The following BCAS3 variants were observed in gnomAD, a reference collection of about 807,000 sequenced individuals.
BCAS3 encodes the protein BCAS4/BCAS3 fusion.
A neutral mutation model predicts 116.1 loss-of-function variants in BCAS3; 53 were observed. That is an observed-to-expected ratio of 0.46 (90% CI 0.37 to 0.57). BCAS3 has a LOEUF of 0.57. Among genes scored for constraint, BCAS3 ranks in the 20% least tolerant of loss-of-function variants. The pLI is 0.00. For synonymous variants in BCAS3, 391 were observed against 408.2 expected (o/e 0.96, Z 0.51); for missense variants, 917 against 1,165.4 (o/e 0.79, Z 3.10).
At chr17:61,167,682 C>T (rs1427275523) in intron 22 of BCAS3, among the ~76,000 whole-genome samples, 2 of 152,130 alleles carry the variant, frequency 1.3e-5, no homozygotes, top group African/African-American at 2.4e-5. Context: ...GGAAATGACA[C>T]AGAAGAGCTT....
intron 11 of BCAS3, among the ~76,000 whole-genome samples, chr17:60,903,944 T>A (rs2058056260): frequency 6.6e-6 from 1 of 152,180 alleles, no homozygotes; most frequent in African/African-American, 2.4e-5. Context: ...TCACGATAGT[T>A]TAGCTTATGA....
rs553283038 is a variant in BCAS3, at chr17:60,810,383, G to A, written c.476+2307G>A. The A allele has an allele frequency of 1.9e-5, 9 of 464,696 alleles. 1 individual carries two copies. The highest frequency in any genetic ancestry group is 1.6e-4 in the South Asian group (9 of 56,530). 28.8% of individuals were successfully genotyped at this position (464,696 alleles called of 1,614,324 possible). Reference sequence around the variant, plus strand: ...GTGGGGATGGCGGGGGGTCTGGCAGGACTGAGAGGCATCCAGAATGAGAAA... The same window carrying A: ...GTGGGGATGGCGGGGGGTCTGGCAGAACTGAGAGGCATCCAGAATGAGAAA... On this transcript the variant is annotated intron_variant, in intron 7 of 23. Transcript: ENST00000407086.
At chr17:60,978,543 T>C (rs1165808051) in intron 14 of BCAS3, among the ~76,000 whole-genome samples, 2 of 150,542 alleles carry the variant, frequency 1.3e-5, no homozygotes, top group Non-Finnish European at 3.0e-5. Flanking sequence ...TTTGTTGCCA[T>C]TGCTTTTGGT....
chr17:61,367,507 C>G lies in BCAS3; in HGVS notation c.2426-820C>G, dbSNP rs911710803. On this transcript the variant is annotated intron_variant, in intron 22 of 23. Coordinates refer to ENST00000407086, the MANE Select transcript of BCAS3 (RefSeq NM_017679.5). The surrounding 1 kb of genome is among the most constrained non-coding windows in gnomAD (Gnocchi z 6.2). ...CTTTGGCTTAAGGACAGACCCTTGCCGAAGATGCTATCACCCACCTCCTTG... is the reference window on the plus strand; with the variant it reads ...CTTTGGCTTAAGGACAGACCCTTGCGGAAGATGCTATCACCCACCTCCTTG... The G allele has an allele frequency of 6.6e-6, 1 of 152,194 alleles. No individual in the cohort carries two copies. The highest frequency in any genetic ancestry group is 2.4e-5 in the African/African-American group (1 of 41,454). The allele number at this position is 152,194 out of a possible 1,614,324, so 9.4% of individuals were successfully genotyped here.
At chr17:61,009,014 A>G (rs2064921188) in intron 15 of BCAS3, among the ~76,000 whole-genome samples, 3 of 152,052 alleles carry the variant, frequency 2.0e-5, no homozygotes, top group South Asian at 2.1e-4. Context: ...TGGGTGTTGT[A>G]GATAAGTGTA....
intron 5 of BCAS3, among the ~76,000 whole-genome samples, chr17:60,725,556 T>C (rs989789746): frequency 9.2e-5 from 14 of 152,204 alleles, no homozygotes; most frequent in Admixed American, 3.3e-4. Context: ...GTGTCAGTGG[T>C]TCCCGACCAG....
In BCAS3 at chr17:61,198,134, T is replaced by G. The variant is rs1032056009; in HGVS notation, c.2425+113570T>G. On this transcript the variant is annotated intron_variant, in intron 22 of 23. Transcript: ENST00000407086. This position sits in a 1 kb window ranked among gnomAD's most constrained non-coding sequence, Gnocchi z 5.0. ...GATTAAGATAAAGTGCAAGATATGT[T>G]TTTTTTTTTTCTTTTTTTTTTTTTG... Among the ~76,000 whole-genome samples the G allele has an allele frequency of 9.8e-3, 34 of 3,486 alleles. No homozygotes were observed. In the Non-Finnish European group the frequency reaches 0.15, roughly 15 times the overall value. The allele number at this position is 3,486 out of a possible 152,430, so 2.3% of individuals were successfully genotyped here.
rs1331416198 is a variant in BCAS3, at chr17:61,019,577, A to G, written c.1637+3676A>G. On this transcript the variant is annotated intron_variant, in intron 16 of 23. Transcript: ENST00000407086. The surrounding 1 kb of genome is among the most constrained non-coding windows in gnomAD (Gnocchi z 5.6). ...TATTTGATTCGTGAGAACCAAATAT[A>G]TTCTGTGAATTTTCATTTTTGCTAT... Among the ~76,000 whole-genome samples the G allele has an allele frequency of 1.3e-5, 2 of 152,196 alleles. No individual in the cohort carries two copies. The highest frequency in any genetic ancestry group is 2.9e-5 in the Non-Finnish European group (2 of 68,028).
At chr17:60,947,551 G>A (rs2060576551) in intron 14 of BCAS3, among the ~76,000 whole-genome samples, 199 bp downstream of exon 14, 1 of 151,906 alleles carries the variant, frequency 6.6e-6, no homozygotes, top group Non-Finnish European at 1.5e-5. Context: ...ACATTTTTTT[G>A]TTTAAAAATT....
At chr17:60,924,532 T>A (rs754752216) in intron 13 of BCAS3, 32 bp downstream of exon 13, 3 of 1,535,356 alleles carry the variant, frequency 2.0e-6, no homozygotes, top group South Asian at 2.4e-5. Flanking sequence ...TTTTTTTTTT[T>A]TTTTGTAGAC....
Position 61,140,802 on chromosome 17 carries a change from G to A in BCAS3, c.2425+56238G>A, listed in dbSNP as rs2076877588. ...TCTTTTCCTTATGAAATGACTCTAT[G>A]ACTTTGGGCACATTACAGATTGTAA... On this transcript the variant is annotated intron_variant, in intron 22 of 23. Transcript: ENST00000407086. The surrounding 1 kb of genome is among the most constrained non-coding windows in gnomAD (Gnocchi z 4.2). Among the ~76,000 whole-genome samples the A allele has an allele frequency of 6.6e-6, 1 of 152,136 alleles. No homozygotes were observed.
At chr17:60,911,119 C>CTTTTTTTTTTT (rs1567849303) in intron 12 of BCAS3, among the ~76,000 whole-genome samples, 20 of 35,298 alleles carry the variant, frequency 5.7e-4, no homozygotes, top group African/African-American at 1.7e-3. Flanking sequence ...TTCTTTTTTT[C>CTTTTTTTTTTT]TTTCTTTTTT....
chr17:60,963,387 GTCT>G (rs781089862), intron 14 of BCAS3, among the ~76,000 whole-genome samples: 10 of 151,540 alleles, frequency 6.6e-5, no homozygotes, highest in Non-Finnish European at 1.3e-4. Flanking sequence ...ATTTTTTTGT[GTCT>G]TCTTCAATTT....
At chr17:61,081,516 G>C (rs1257808223) in intron 21 of BCAS3, among the ~76,000 whole-genome samples, 1 of 152,100 alleles carries the variant, frequency 6.6e-6, no homozygotes, top group African/African-American at 2.4e-5. Flanking sequence ...TGTTTGATTA[G>C]AATATTATCC....
intron 22 of BCAS3, among the ~76,000 whole-genome samples, chr17:61,190,060 A>G (rs1329665503): frequency 6.6e-6 from 1 of 152,220 alleles, no homozygotes; most frequent in Non-Finnish European, 1.5e-5. Context: ...GTCATAGGGG[A>G]GTGAGCTTCA....
rs1382413185 is a variant in BCAS3, at chr17:61,313,397, T to C, written c.2426-54930T>C. ...AAATATGAGGAAACATCTGGAATATTAGTTTTCAACCACATTTCAGACACA... is the reference window on the plus strand; with the variant it reads ...AAATATGAGGAAACATCTGGAATATCAGTTTTCAACCACATTTCAGACACA... On this transcript the variant is annotated intron_variant, in intron 22 of 23. Transcript: ENST00000407086. The surrounding 1 kb of genome is among the most constrained non-coding windows in gnomAD (Gnocchi z 4.3). Among the ~76,000 whole-genome samples, 2 of 152,198 alleles carry C rather than the reference T, an allele frequency of 1.3e-5. No individual in the cohort carries two copies. Among genetic ancestry groups the C allele is most frequent in the Non-Finnish European group, 2.9e-5 (2 of 68,036 alleles).
chr17:60,679,469 T>G lies in BCAS3; in HGVS notation c.12T>G (p.Ala4=), dbSNP rs763818286. The G allele has an allele frequency of 1.2e-6, 2 of 1,613,682 alleles. No individual in the cohort carries two copies. Among genetic ancestry groups the G allele is most frequent in the South Asian group, 1.1e-5 (1 of 91,032 alleles). Residue 4 remains alanine (A), a synonymous_variant, in exon 2 of 24, where the codon GCT becomes GCG. Transcript: ENST00000407086. The stretch of plus-strand genomic sequence containing the variant: ...TGGAAACAGGTTTTATGAATGAAGC[T>G]ATGGCTACAGATTCCCCAAGAAGAC... MNE[A]MATDSPRRPS...
intron 7 of BCAS3, among the ~76,000 whole-genome samples, chr17:60,857,456 A>T (rs1285538527): frequency 6.6e-6 from 1 of 152,228 alleles, no homozygotes; most frequent in Non-Finnish European, 1.5e-5. Flanking sequence ...TGTAGAAGTC[A>T]CATGAAGACT....
In BCAS3 at chr17:61,026,901, A is replaced by G. The variant is rs776304127; in HGVS notation, c.1638-7765A>G. The G allele has an allele frequency of 6.2e-6, 10 of 1,601,964 alleles. No homozygotes were observed. The highest frequency in any genetic ancestry group is 8.5e-6 in the Non-Finnish European group (10 of 1,173,618). ...TTTGGAGCGGGGTGTTTTTCCATAA[A>G]AGCCCCATGGTGAGTTCCAGTTCAG... is the stretch of plus-strand genomic sequence containing the variant. On this transcript the variant is annotated intron_variant, in intron 16 of 23. Transcript: ENST00000407086. This position sits in a 1 kb window ranked among gnomAD's most constrained non-coding sequence, Gnocchi z 5.0.
Sources: gnomAD v4.1 joint callset for allele counts (sites outside exome capture counted in the v4.1 genomes callset) on GRCh38, gnomAD v4.1.1 for gene constraint, Gnocchi (gnomAD v3.1) non-coding constraint, MANE v1.5 for transcripts, NCBI Gene and HGNC (gene_info 2026-07-23, HGNC 2026-07-21) for gene names.